The following NSD1 variants were observed in gnomAD, a reference collection of about 807,000 sequenced individuals.
NSD1 encodes nuclear receptor binding SET domain protein 1.
A neutral mutation model predicts 242.7 loss-of-function variants in NSD1; 26 were observed. The ratio of observed to expected loss-of-function variants is 0.11; its 90% confidence interval spans 0.08 to 0.15. The LOEUF (loss-of-function observed/expected upper bound fraction) is 0.15, where lower values mean the gene tolerates loss of function less well. Ranked by LOEUF, NSD1 falls within the 10% of genes least tolerant of loss-of-function variation. NSD1 has a pLI of 1.00. For synonymous variants in NSD1, 1,106 were observed against 1,178.1 expected (o/e 0.94, Z 1.25); for missense variants, 2,495 against 3,272.8 (o/e 0.76, Z 5.80).
At chr5:177,226,461 C>T (rs1258863410) in intron 5 of NSD1, among the ~76,000 whole-genome samples, 1 of 152,128 alleles carries the variant, frequency 6.6e-6, no homozygotes, top group Non-Finnish European at 1.5e-5. Flanking sequence ...GTGAGAGAAC[C>T]TGAAAGATAA....
At chr5:177,137,990 G>A (rs1468793990) in intron 2 of NSD1, among the ~76,000 whole-genome samples, 1 of 151,544 alleles carries the variant, frequency 6.6e-6, no homozygotes, top group African/African-American at 2.4e-5. Flanking sequence ...CAGGAGAATC[G>A]CTTGAACCCA....
At chr5:177,205,300 T>G (rs1402201536) in intron 4 of NSD1, among the ~76,000 whole-genome samples, 1 of 152,216 alleles carries the variant, frequency 6.6e-6, no homozygotes, top group Non-Finnish European at 1.5e-5. Flanking sequence ...CCTCCCAAAG[T>G]GCTGGGATTA....
intron 2 of NSD1, among the ~76,000 whole-genome samples, chr5:177,179,168 A>G (rs767468110): frequency 2.6e-5 from 4 of 152,140 alleles, no homozygotes; most frequent in Non-Finnish European, 5.9e-5. Flanking sequence ...CAGATTAGGA[A>G]GGGCTTTATT....
In NSD1 at chr5:177,210,680, A is replaced by G. The variant is rs1763266877; in HGVS notation, c.2281A>G (p.Ile761Val). The change falls in exon 5 of 23, where the codon ATA becomes GTA. Residue 761 changes from isoleucine (I) to valine (V), a missense_variant. Physicochemically the swap from Ile to Val is conservative, Grantham distance 29. Transcript: ENST00000439151. ...LSPKFNLSSSISSENSLIKGG... is the reference protein window; with the variant it reads ...LSPKFNLSSSVSSENSLIKGG... Reference sequence around the variant, plus strand: ...TCCAAAATTCAACCTGTCATCAAGCATATCCAGTGAGAACTCGTTAATAAA... The same window carrying G: ...TCCAAAATTCAACCTGTCATCAAGCGTATCCAGTGAGAACTCGTTAATAAA... The G allele has an allele frequency of 9.9e-6, 16 of 1,614,190 alleles. No individual in the cohort carries two copies. Among genetic ancestry groups the G allele is most frequent in the Non-Finnish European group, 1.4e-5 (16 of 1,180,032 alleles).
chr5:177,289,409 A>G lies in NSD1; in HGVS notation c.6258+484A>G, dbSNP rs528510505. 7.0e-4 allele frequency among the ~76,000 whole-genome samples: 106 copies of G among 152,282 alleles called. 1 individual carries two copies. Among genetic ancestry groups the G allele is most frequent in the African/African-American group, 2.3e-3 (97 of 41,552 alleles). On this transcript the variant is annotated intron_variant, in intron 21 of 22. Coordinates refer to ENST00000439151, the MANE Select transcript of NSD1 (RefSeq NM_022455.5). ...AAGCATTCGGCTGATCAATTATATA[A>G]GAGGTTTTTGGGGATATTGTTGAAG... is the stretch of plus-strand genomic sequence containing the variant.
At chr5:177,283,508 G>C (rs1562296038) in intron 19 of NSD1, among the ~76,000 whole-genome samples, 1 of 152,154 alleles carries the variant, frequency 6.6e-6, no homozygotes, top group Non-Finnish European at 1.5e-5. Context: ...GAAACCCCTG[G>C]CAGCCTTGTT....
At position 177,297,465 on chromosome 5, in the gene NSD1, A is replaced by G. The variant is rs2127289473; in HGVS notation, c.*2006A>G. On this transcript the variant is annotated 3_prime_UTR_variant, in exon 23 of 23. Transcript: ENST00000439151. ...GAATAATAAATATATAACTGCAGCTAGTAGGTCCCTTTCCCTAATCTTTTA... is the reference window on the plus strand; with the variant it reads ...GAATAATAAATATATAACTGCAGCTGGTAGGTCCCTTTCCCTAATCTTTTA... The G allele has an allele frequency of 4.3e-6, 1 of 230,092 alleles. No homozygotes were observed. Among genetic ancestry groups the G allele is most frequent in the South Asian group, 1.8e-4 (1 of 5,504 alleles). The allele number at this position is 230,092 out of a possible 1,614,324, so 14.3% of individuals were successfully genotyped here. A position where few individuals can be genotyped will look rare whatever the true frequency, so the allele number is the denominator to read the frequency against.
At chr5:177,186,147 C>G (rs1351459395) in intron 2 of NSD1, among the ~76,000 whole-genome samples, 3 of 124,800 alleles carry the variant, frequency 2.4e-5, no homozygotes, top group African/African-American at 9.2e-5. Context: ...GTAAATCAGC[C>G]CAGTGTGGTG....
chr5:177,198,315 T>C (rs1762256484), intron 3 of NSD1, among the ~76,000 whole-genome samples: 1 of 152,188 alleles, frequency 6.6e-6, no homozygotes, highest in African/African-American at 2.4e-5. Flanking sequence ...TGTGAGCCAC[T>C]GTGCCTGGCC....
chr5:177,240,256 G>A (rs530999302), intron 8 of NSD1, among the ~76,000 whole-genome samples: 1 of 152,162 alleles, frequency 6.6e-6, no homozygotes, highest in South Asian at 2.1e-4. Flanking sequence ...TTGAGACAGG[G>A]TCTGATTCTG....
At chr5:177,239,956 GTACA>G (rs1765724148) in intron 8 of NSD1, 91 bp downstream of exon 8, 6 of 751,198 alleles carry the variant, frequency 8.0e-6, no homozygotes, top group African/African-American at 1.8e-5. Flanking sequence ...TAACATTGAT[GTACA>G]TACATATAGA....
intron 3 of NSD1, 128 bp downstream of exon 3, chr5:177,192,147 A>C: frequency 1.2e-6 from 1 of 812,020 alleles, no homozygotes; most frequent in Non-Finnish European, 1.9e-6. Flanking sequence ...TACATATTTT[A>C]TCTTTTGGGG....
At chr5:177,263,035 C>A (rs771310584) in intron 14 of NSD1, among the ~76,000 whole-genome samples, 6 of 152,194 alleles carry the variant, frequency 3.9e-5, no homozygotes, top group Non-Finnish European at 7.3e-5. Context: ...ACCTGGAACC[C>A]CAACCCCCTA....
intron 17 of NSD1, among the ~76,000 whole-genome samples, chr5:177,279,700 G>A (rs560788039): frequency 6.6e-5 from 8 of 122,076 alleles, no homozygotes; most frequent in South Asian, 5.6e-4. Flanking sequence ...TGCAAGCTCC[G>A]CTGCCTCCCA....
chr5:177,203,158 C>T (rs1045729543), intron 3 of NSD1, among the ~76,000 whole-genome samples: 3 of 152,018 alleles, frequency 2.0e-5, no homozygotes, highest in Admixed American at 6.6e-5. Flanking sequence ...AATGAATTTT[C>T]GTATAAAATG....
chr5:177,161,320 G>GC (rs1280014920), intron 2 of NSD1, among the ~76,000 whole-genome samples: 1 of 151,874 alleles, frequency 6.6e-6, no homozygotes, highest in African/African-American at 2.4e-5. Context: ...GTTCCAGGCT[G>GC]CAGTGAGCTC....
chr5:177,265,728 T>C lies in NSD1; in HGVS notation c.5147-1834T>C, dbSNP rs1319421264. The C allele has an allele frequency of 5.7e-6, 9 of 1,583,692 alleles. No individual in the cohort carries two copies. The Admixed American group carries it at 8.3e-5, about 15-fold the overall frequency. On this transcript the variant is annotated intron_variant, in intron 14 of 22. Coordinates refer to ENST00000439151, the MANE Select transcript of NSD1 (RefSeq NM_022455.5). ...GTCTTCAAGGTCAGGTAGTCCTCCA[T>C]GTAGAACACCGTCTGCTTCCAGTGC...
At chr5:177,154,934 T>C (rs1431442968) in intron 2 of NSD1, among the ~76,000 whole-genome samples, 1 of 151,644 alleles carries the variant, frequency 6.6e-6, no homozygotes, top group Non-Finnish European at 1.5e-5. Context: ...GACCTCAGGT[T>C]ATCCACCTAC....
At chr5:177,278,782 G>A (rs1213467710) in intron 17 of NSD1, among the ~76,000 whole-genome samples, 1 of 152,166 alleles carries the variant, frequency 6.6e-6, no homozygotes, top group Non-Finnish European at 1.5e-5. Context: ...TTTTTGTGCG[G>A]TTTGTGTCTT....
Sources: gnomAD v4.1 joint callset for allele counts (sites outside exome capture counted in the v4.1 genomes callset) on GRCh38, gnomAD v4.1.1 for gene constraint, MANE v1.5 for transcripts, NCBI Gene and HGNC (gene_info 2026-07-23, HGNC 2026-07-21) for gene names.